Variants in THUMPD2 observed in about 807,000 individuals in gnomAD.
THUMPD2 encodes U6 snRNA (guanine-N(2))-methyltransferase THUMPD2.
In THUMPD2, 56 loss-of-function variants were observed where a neutral mutation model predicts 49.4. That is an observed-to-expected ratio of 1.13 (90% CI 0.91 to 1.41). THUMPD2 has a LOEUF of 1.41. Ranked by LOEUF, THUMPD2 falls within the 40% of genes most tolerant of loss-of-function variation. The probability of loss-of-function intolerance (pLI) is 0.00; values close to 1 mark genes in which losing one functional copy is unlikely to be tolerated. For missense variants in THUMPD2, 709 were observed against 594.5 expected (o/e 1.19, Z -2.00); for synonymous variants, 237 against 205.2 (o/e 1.15, Z -1.32).
chr2:39,749,768 CCT>C (rs1211967555), intron 8 of THUMPD2, among the ~76,000 whole-genome samples: 12 of 152,062 alleles, frequency 7.9e-5, no homozygotes, highest in South Asian at 6.2e-4. Flanking sequence ...CCCACCTCCC[CCT>C]GACAGACCCC....
chr2:39,738,114 G>A (rs1572721202), intron 9 of THUMPD2, among the ~76,000 whole-genome samples: 2 of 152,188 alleles, frequency 1.3e-5, no homozygotes, highest in African/African-American at 4.8e-5. Context: ...TACAGGTTGA[G>A]AAGAGAAAAT....
Position 39,739,624 on chromosome 2 carries a change from G to C in THUMPD2, c.1188-2565C>G, listed in dbSNP as rs372688237. ...TCACTGCTGTAATCCCCGGGGCCAA[G>C]TACATGCAAGTGCATGGGAGATGCA... is the stretch of plus-strand genomic sequence containing the variant. On this transcript the variant is annotated intron_variant, in intron 9 of 9. Coordinates refer to ENST00000505747, the MANE Select transcript of THUMPD2 (RefSeq NM_025264.5). Among the ~76,000 whole-genome samples the C allele has an allele frequency of 1.4e-4, 22 of 152,334 alleles. No homozygotes were observed. In the East Asian group the frequency reaches 1.5e-3, roughly 11 times the overall value.
intron 1 of THUMPD2, among the ~76,000 whole-genome samples, chr2:39,772,141 C>A (rs1262191866): frequency 6.6e-6 from 1 of 152,112 alleles, no homozygotes; most frequent in Non-Finnish European, 1.5e-5. Context: ...GGGAAAGAAT[C>A]CTGTAAGATT....
At position 39,769,895 on chromosome 2, in the gene THUMPD2, G is replaced by C; in HGVS notation, c.487C>G (p.Leu163Val). The change falls in exon 3 of 10, where the codon CTG becomes GTG. Residue 163 changes from leucine (L) to valine (V), a missense_variant. Leu to Val is a conservative substitution (Grantham distance 32). Transcript: ENST00000505747. ...QKIEENRDCQ[L>V]EKQIKEETLE... Reference sequence around the variant, plus strand: ...GTTTCTTCTTTTATTTGTTTTTCCAGCTGGCAGTCCCTATTCTCTTCTATC... The same window carrying C: ...GTTTCTTCTTTTATTTGTTTTTCCACCTGGCAGTCCCTATTCTCTTCTATC... The C allele has an allele frequency of 6.3e-7, 1 of 1,597,912 alleles. No homozygotes were observed. Among genetic ancestry groups the C allele is most frequent in the Non-Finnish European group, 8.5e-7 (1 of 1,175,562 alleles).
chr2:39,751,926 A>G (rs2148238404), intron 8 of THUMPD2, among the ~76,000 whole-genome samples: 1 of 152,210 alleles, frequency 6.6e-6, no homozygotes, highest in South Asian at 2.1e-4. Context: ...AGCTCAACTG[A>G]TCTGCCTGCC....
chr2:39,767,798 T>C (rs1398935846), intron 4 of THUMPD2, among the ~76,000 whole-genome samples: 2 of 152,052 alleles, frequency 1.3e-5, no homozygotes, highest in Non-Finnish European at 2.9e-5. Context: ...TCTGATTTAT[T>C]TGGCCAGTTA....
chr2:39,769,673 C>T, intron 3 of THUMPD2, 37 bp downstream of exon 3: 1 of 1,468,592 alleles, frequency 6.8e-7, no homozygotes, highest in Non-Finnish European at 9.0e-7. Flanking sequence ...TGCATTCCAG[C>T]CTGGGCGACA....
chr2:39,750,766 T>G (rs950523293), intron 8 of THUMPD2, among the ~76,000 whole-genome samples: 2 of 152,198 alleles, frequency 1.3e-5, no homozygotes, highest in African/African-American at 4.8e-5. Context: ...GCTAGATCCC[T>G]CTATAAACAG....
intron 3 of THUMPD2, chr2:39,768,883 T>G: frequency 7.7e-7 from 1 of 1,295,050 alleles, no homozygotes; most frequent in Non-Finnish European, 1.0e-6. Flanking sequence ...ATTATCAGAT[T>G]AGTATCATTA....
chr2:39,737,202 T>G (rs1673202752), intron 9 of THUMPD2, 143 bp from the exon 10 acceptor site: 1 of 723,816 alleles, frequency 1.4e-6, no homozygotes, highest in Non-Finnish European at 2.2e-6. Flanking sequence ...AATTAGGTAG[T>G]ATCTTCTATA....
intron 1 of THUMPD2, among the ~76,000 whole-genome samples, chr2:39,776,096 TACAATAA>T (rs1295252964): frequency 6.6e-6 from 1 of 152,220 alleles, no homozygotes; most frequent in Non-Finnish European, 1.5e-5. Flanking sequence ...CTACTAGTCT[TACAATAA>T]ATAGCAGTAC....
intron 9 of THUMPD2, among the ~76,000 whole-genome samples, chr2:39,740,878 A>C (rs1673801867): frequency 6.6e-6 from 1 of 151,008 alleles, no homozygotes; most frequent in Admixed American, 6.6e-5. Context: ...GCTAATTTTT[A>C]AATTTTTTAT....
At chr2:39,766,470 C>T (rs549585316) in intron 4 of THUMPD2, among the ~76,000 whole-genome samples, 1 of 152,232 alleles carries the variant, frequency 6.6e-6, no homozygotes, top group South Asian at 2.1e-4. Flanking sequence ...ATTTTAACCT[C>T]AAATAGGATG....
chr2:39,778,162 G>A (rs181381917), intron 1 of THUMPD2, among the ~76,000 whole-genome samples: 1 of 152,294 alleles, frequency 6.6e-6, no homozygotes, highest in African/African-American at 2.4e-5. Flanking sequence ...TGAAAAGTAC[G>A]CAAATAAATA....
Position 39,775,680 on chromosome 2 carries a change from T to C in THUMPD2, c.126+3434A>G, listed in dbSNP as rs540611557. ...TGGGAGGCTGAGGCAGGAGAATCGC[T>C]TGAACCCAGGAGGCGGAGGTTGCAG... On this transcript the variant is annotated intron_variant, in intron 1 of 9. Coordinates refer to ENST00000505747, the MANE Select transcript of THUMPD2 (RefSeq NM_025264.5). Among the ~76,000 whole-genome samples, 5 of 148,206 alleles carry C rather than the reference T, an allele frequency of 3.4e-5. No homozygotes were observed. In the South Asian group the frequency reaches 6.4e-4, roughly 19 times the overall value.
intron 9 of THUMPD2, among the ~76,000 whole-genome samples, chr2:39,737,583 C>T (rs952819240): frequency 6.6e-6 from 1 of 152,170 alleles, no homozygotes; most frequent in Non-Finnish European, 1.5e-5. Flanking sequence ...TGACATAGCC[C>T]TGTAAGTTGC....
rs180982887 is a variant in THUMPD2 at position 39,762,142 on chromosome 2, A to G, written c.804-724T>C. Among the ~76,000 whole-genome samples the G allele has an allele frequency of 4.6e-5, 7 of 152,258 alleles. No individual in the cohort carries two copies. In the East Asian group the frequency reaches 1.3e-3, roughly 29 times the overall value. On this transcript the variant is annotated intron_variant, in intron 5 of 9. Transcript: ENST00000505747. Reference sequence around the variant, plus strand: ...AAGCAGAATCTCCTTGGAAATTACAACTTTCCAAGCTTTTCTAGTTCACTT... The same window carrying G: ...AAGCAGAATCTCCTTGGAAATTACAGCTTTCCAAGCTTTTCTAGTTCACTT...
chr2:39,770,953 C>T (rs1168657494), intron 2 of THUMPD2, among the ~76,000 whole-genome samples: 1 of 152,016 alleles, frequency 6.6e-6, no homozygotes, highest in Non-Finnish European at 1.5e-5. Flanking sequence ...TTATCAAGAT[C>T]CATATGTTGT....
chr2:39,768,383 AT>A, intron 4 of THUMPD2, 40 bp downstream of exon 4: 1 of 1,479,606 alleles, frequency 6.8e-7, no homozygotes. Flanking sequence ...TCTTTAAAGA[AT>A]TAGGTTACAA....
Sources: allele counts gnomAD v4.1 joint callset (sites outside exome capture counted in the v4.1 genomes callset), GRCh38; gene constraint gnomAD v4.1.1; transcripts MANE v1.5; gene names NCBI Gene and HGNC (gene_info 2026-07-23, HGNC 2026-07-21).